Variants in TNRC6B observed in about 807,000 individuals in gnomAD.
TNRC6B encodes trinucleotide repeat containing adaptor 6B, also known as trinucleotide repeat-containing gene 6B protein.
A neutral mutation model predicts 203.6 loss-of-function variants in TNRC6B; 52 were observed. The observed-to-expected ratio is 0.26, with a 90% confidence interval of 0.20 to 0.32. The LOEUF is 0.32. Ranked by LOEUF, TNRC6B falls within the 10% of genes least tolerant of loss-of-function variation. The pLI is 1.00. For synonymous variants in TNRC6B, 838 were observed against 845.7 expected, an observed-to-expected ratio of 0.99 and a Z score of 0.16; for missense variants, 1,923 against 2,286.2, an observed-to-expected ratio of 0.84 and a Z score of 3.24.
At chr22:40,099,519 A>T (rs1430980844) in intron 1 of TNRC6B, among the ~76,000 whole-genome samples, 1 of 152,174 alleles carries the variant, frequency 6.6e-6, no homozygotes, top group Non-Finnish European at 1.5e-5. Flanking sequence ...TCAATCATGG[A>T]TCAGAAATAT....
At chr22:40,053,900 C>A (rs2067771376) in intron 1 of TNRC6B, among the ~76,000 whole-genome samples, 1 of 152,166 alleles carries the variant, frequency 6.6e-6, no homozygotes, top group Non-Finnish European at 1.5e-5. Context: ...AAGTGTAAAT[C>A]TGATCATATT....
In TNRC6B at chr22:40,132,965, A is replaced by ATAT. The variant is rs1555884674; in HGVS notation, c.45+7103_45+7104insTAT. Among the ~76,000 whole-genome samples, 145 of 67,118 alleles carry ATAT rather than the reference A, an allele frequency of 2.2e-3. 6 individuals are homozygous for ATAT. The highest frequency in any genetic ancestry group is 7.5e-3 in the African/African-American group (143 of 19,112). The allele number at this position is 67,118 out of a possible 152,430, so 44.0% of individuals were successfully genotyped here. On this transcript the variant is annotated intron_variant, in intron 3 of 23. Transcript: ENST00000301923. ...TCTCAAAAAAAAAAAAAAAAAAAAA[A>ATAT]AAAAATATATATATATATATATATA...
chr22:40,248,524 C>T (rs2070140617), intron 2 of TNRC6B, among the ~76,000 whole-genome samples: 1 of 152,040 alleles, frequency 6.6e-6, no homozygotes, highest in African/African-American at 2.4e-5. Context: ...ATATCAATAC[C>T]TAAAATGATT....
chr22:40,298,229 T>G (rs1205246503), intron 12 of TNRC6B, among the ~76,000 whole-genome samples: 1 of 152,170 alleles, frequency 6.6e-6, no homozygotes, highest in Admixed American at 6.5e-5. Context: ...TTTTTAAATA[T>G]TATAGATTTT....
At chr22:40,276,824 A>G in intron 7 of TNRC6B, 2 of 319,528 alleles carry the variant, frequency 6.3e-6, no homozygotes, top group Non-Finnish European at 1.1e-5. Context: ...TTGAAAAGCA[A>G]AAGTACCAGC....
chr22:40,323,061 G>A lies in TNRC6B; in HGVS notation c.5322G>A (p.Gln1774=), dbSNP rs1287969412. ...TTGGTGGGTCCACTGGGCTCGGGCA[G>A]TGGAGCAGCAGCGCTGGTGGCAGCA... The part of the protein sequence containing the change: ...NLFGGSTGLG[Q]WSSSAGGSSG... Residue 1774 remains glutamine (Q), a synonymous_variant, in exon 23 of 23, where the codon CAG becomes CAA. Transcript: ENST00000454349. 6.2e-7 allele frequency: 1 copy of A among 1,603,178 alleles called. No individual in the cohort carries two copies. The highest frequency in any genetic ancestry group is 1.7e-5 in the Admixed American group (1 of 57,632).
intron 1 of TNRC6B, among the ~76,000 whole-genome samples, chr22:40,199,096 C>A (rs572928749): frequency 3.9e-5 from 6 of 152,020 alleles, no homozygotes; most frequent in Non-Finnish European, 8.8e-5. Context: ...CAGTTTGAAG[C>A]GGTTCCCACT....
intron 1 of TNRC6B, among the ~76,000 whole-genome samples, chr22:40,231,476 A>G (rs896518221): frequency 2.0e-5 from 3 of 152,174 alleles, no homozygotes; most frequent in Non-Finnish European, 4.4e-5. Flanking sequence ...TATTTTTGTC[A>G]GATTTATTCT....
intron 3 of TNRC6B, among the ~76,000 whole-genome samples, chr22:40,144,413 C>T (rs1286585681): frequency 3.3e-5 from 5 of 152,184 alleles, no homozygotes; most frequent in African/African-American, 4.8e-5. Flanking sequence ...CAGTGGCTCC[C>T]GCCTGTAATC....
At chr22:40,074,123 T>G (rs1236405078) in intron 1 of TNRC6B, among the ~76,000 whole-genome samples, 2 of 148,630 alleles carry the variant, frequency 1.3e-5, no homozygotes, top group Non-Finnish European at 3.0e-5. Context: ...TCCCAGCTAC[T>G]CAGGAGGCTG....
chr22:40,102,816 C>T (rs772599619), intron 1 of TNRC6B, among the ~76,000 whole-genome samples: 1 of 152,106 alleles, frequency 6.6e-6, no homozygotes, highest in Non-Finnish European at 1.5e-5. Context: ...TGGTGGCTCA[C>T]ACCTGTAATC....
At chr22:40,276,031 AG>A (rs1377148444) in intron 7 of TNRC6B, among the ~76,000 whole-genome samples, 1 of 151,720 alleles carries the variant, frequency 6.6e-6, no homozygotes, top group African/African-American at 2.4e-5. Context: ...GTCACTTTCA[AG>A]GATAATAAAA....
At chr22:40,208,133 C>T (rs59825949) in intron 1 of TNRC6B, among the ~76,000 whole-genome samples, 1 of 108,970 alleles carries the variant, frequency 9.2e-6, no homozygotes, top group African/African-American at 2.7e-5. Context: ...AAAAAAAAAA[C>T]AAAAAAACAA....
At chr22:40,236,099 G>A (rs894184968) in intron 1 of TNRC6B, among the ~76,000 whole-genome samples, 22 of 152,200 alleles carry the variant, frequency 1.4e-4, no homozygotes, top group Non-Finnish European at 2.6e-4. Context: ...ATTTTGATAC[G>A]ATCTGCCAAA....
intron 1 of TNRC6B, among the ~76,000 whole-genome samples, chr22:40,243,469 A>G (rs1458306302): frequency 3.9e-5 from 6 of 152,368 alleles, no homozygotes; most frequent in Admixed American, 6.5e-5. Flanking sequence ...TCTATTGAGC[A>G]TGAATTTCAA....
rs759278037 is a variant in TNRC6B at position 40,279,988 on chromosome 22, T to G, written c.3263-7T>G. 1 of 1,613,834 alleles carries G rather than the reference T, an allele frequency of 6.2e-7. No homozygotes were observed. The highest frequency in any genetic ancestry group is 8.5e-7 in the Non-Finnish European group (1 of 1,179,804). On this transcript the variant is annotated splice_region_variant and splice_polypyrimidine_tract_variant and intron_variant, in intron 9 of 22. Transcript: ENST00000454349. ...GAAATTTTCACTCTGTGTATGCTAC[T>G]TTTCAGGAAGCCTTTCAGATAAAAA...
chr22:40,239,912 A>C (rs752178421), intron 1 of TNRC6B, among the ~76,000 whole-genome samples: 23 of 151,856 alleles, frequency 1.5e-4, no homozygotes, highest in Non-Finnish European at 3.1e-4. Context: ...ATCTCAGCTC[A>C]CTGCAACTTC....
At chr22:40,221,260 G>T (rs1055696517) in intron 1 of TNRC6B, among the ~76,000 whole-genome samples, 16 of 152,174 alleles carry the variant, frequency 1.1e-4, no homozygotes, top group Admixed American at 8.5e-4. Flanking sequence ...TTTGTAGTAC[G>T]TACCTGGGTT....
chr22:40,177,415 G>C (rs1410677560), upstream of TNRC6B, among the ~76,000 whole-genome samples: 1 of 152,202 alleles, frequency 6.6e-6, no homozygotes, highest in Non-Finnish European at 1.5e-5. Context: ...TAACCTTTCT[G>C]AATTGCAGTT....
Sources: allele counts gnomAD v4.1 joint callset (sites outside exome capture counted in the v4.1 genomes callset), GRCh38; gene constraint gnomAD v4.1.1; transcripts MANE v1.5; gene names NCBI Gene and HGNC (gene_info 2026-07-23, HGNC 2026-07-21).